UMODL1: variants seen among roughly 807,000 people sequenced by gnomAD.
UMODL1 encodes the protein uromodulin like 1, also known as uromodulin-like 1.
Under a neutral mutation model 136.3 loss-of-function variants are expected in UMODL1, and 128 were observed. The ratio of observed to expected loss-of-function variants is 0.94; its 90% CI spans 0.81 to 1.09. The LOEUF is 1.09. UMODL1 is among the 50% of genes least tolerant of loss of function. The pLI is 0.00. For synonymous variants in UMODL1, 721 were observed against 720.0 expected (o/e 1.00, Z -0.02); for missense variants, 1,766 against 1,725.6 (o/e 1.02, Z -0.41).
intron 7 of UMODL1, among the ~76,000 whole-genome samples, chr21:42,100,200 G>T (rs2066609692): frequency 6.6e-6 from 1 of 152,198 alleles, no homozygotes; most frequent in African/African-American, 2.4e-5. Context: ...TCCGATGTGT[G>T]TCCCTGACGT....
intron 2 of UMODL1, among the ~76,000 whole-genome samples, chr21:42,081,970 C>A (rs1040690563): frequency 6.6e-6 from 1 of 152,218 alleles, no homozygotes; most frequent in African/African-American, 2.4e-5. Context: ...TTGCCCTCCT[C>A]GAGCTGCACC....
At position 42,084,193 on chromosome 21, in the gene UMODL1, GA is replaced by G. The variant is rs2066397694; in HGVS notation, c.431del (p.Lys144SerfsTer34). 6.2e-7 allele frequency: 1 copy of G among 1,613,804 alleles called. No homozygotes were observed. Among genetic ancestry groups the G allele is most frequent in the African/African-American group, 1.3e-5 (1 of 74,926 alleles). ...TGGACATCGACTGTCCTGGACTTGA[GA>G]AGTGCTGCCCCTGGTCAGGGGGGCG... ...SLDIDCPGLE[K>X]CCPWSGGRYC... is the part of the protein sequence containing the mutation. On this transcript the variant is annotated frameshift_variant, in exon 3 of 23. Coordinates refer to ENST00000408910, the MANE Select transcript of UMODL1 (RefSeq NM_001004416.3). LOFTEE classifies it high-confidence loss of function.
At chr21:42,077,520 A>C (rs1460167905) in intron 2 of UMODL1, among the ~76,000 whole-genome samples, 2 of 138,084 alleles carry the variant, frequency 1.4e-5, no homozygotes, top group Non-Finnish European at 3.4e-5. Context: ...GGTTACAGAA[A>C]AGTAAACAGT....
At chr21:42,121,272 T>C (rs764038127) in intron 16 of UMODL1, 48 bp downstream of exon 16, 1 of 1,565,230 alleles carries the variant, frequency 6.4e-7, no homozygotes, top group Non-Finnish European at 8.7e-7. Flanking sequence ...TCATAATCGG[T>C]TTTTTTTAAG....
chr21:42,078,684 ACAGAAACCAGGCGGGGCCAGC>A (rs2066323547), intron 2 of UMODL1, among the ~76,000 whole-genome samples: 1 of 129,378 alleles, frequency 7.7e-6, no homozygotes, highest in Admixed American at 7.4e-5. Flanking sequence ...TCCATCACCA[ACAGAAACCAGGCGGGGCCAGC>A]TGACCCCAGA....
At chr21:42,065,943 C>A (rs1031080163) in intron 1 of UMODL1, among the ~76,000 whole-genome samples, 11 of 152,194 alleles carry the variant, frequency 7.2e-5, no homozygotes, top group African/African-American at 2.7e-4. Context: ...GTCCCAGGAC[C>A]CAGACATAGG....
At chr21:42,124,621 G>A (rs1456203563) in intron 17 of UMODL1, among the ~76,000 whole-genome samples, 1 of 152,072 alleles carries the variant, frequency 6.6e-6, no homozygotes, top group Non-Finnish European at 1.5e-5. Context: ...GGATGGGGCT[G>A]AGCAGGGAGC....
At chr21:42,130,245 T>TGTGCGCGC (rs377170083) in intron 21 of UMODL1, among the ~76,000 whole-genome samples, 9 of 151,852 alleles carry the variant, frequency 5.9e-5, no homozygotes, top group African/African-American at 1.7e-4. Flanking sequence ...TGTGTGTGTG[T>TGTGCGCGC]GCGTGCACAC....
At chr21:42,131,695 T>A (rs1182938008) in intron 21 of UMODL1, among the ~76,000 whole-genome samples, 1 of 152,068 alleles carries the variant, frequency 6.6e-6, no homozygotes, top group Non-Finnish European at 1.5e-5. Flanking sequence ...GGTTCTCATT[T>A]AAAGCATTTG....
At chr21:42,080,188 C>T (rs1329444359) in intron 2 of UMODL1, among the ~76,000 whole-genome samples, 1 of 152,224 alleles carries the variant, frequency 6.6e-6, no homozygotes, top group Non-Finnish European at 1.5e-5. Flanking sequence ...TGCCACACAG[C>T]AGGTTGGCTC....
intron 9 of UMODL1, among the ~76,000 whole-genome samples, chr21:42,104,909 C>T (rs141969882): frequency 2.0e-5 from 3 of 152,334 alleles, no homozygotes; most frequent in East Asian, 1.9e-4. Context: ...GCAGCAGGCA[C>T]GGAGTTCTCT....
chr21:42,126,729 G>A (rs545052010), intron 18 of UMODL1, among the ~76,000 whole-genome samples: 16 of 152,302 alleles, frequency 1.1e-4, no homozygotes, highest in African/African-American at 3.8e-4. Context: ...TGAGCCACTG[G>A]CAGGCCGCCA....
rs749804614 is a variant in UMODL1 at position 42,127,021 on chromosome 21, C to T, written c.3309C>T (p.Ile1103=). 2.1e-5 allele frequency: 34 copies of T among 1,613,974 alleles called. No homozygotes were observed. The highest frequency in any genetic ancestry group is 2.2e-5 in the East Asian group (1 of 44,898). ...FTLEWGVYTI[I]EDLHGAGNFV... is the part of the protein sequence containing the mutation. ...CCTCTTGCAGGGTTTACACCATCAT[C>T]GAGGACCTCCACGGCGCTGGGAATT... The change falls in exon 19 of 23, where the codon ATC becomes ATT. Residue 1103 remains isoleucine, a synonymous_variant. Transcript: ENST00000408910.
chr21:42,081,503 C>T (rs1569143312), intron 2 of UMODL1, among the ~76,000 whole-genome samples: 1 of 152,186 alleles, frequency 6.6e-6, no homozygotes, highest in Non-Finnish European at 1.5e-5. Context: ...CTGGCCAGCT[C>T]CAAGGGATGG....
intron 21 of UMODL1, among the ~76,000 whole-genome samples, chr21:42,134,826 A>G (rs960235303): frequency 6.7e-5 from 10 of 150,128 alleles, no homozygotes; most frequent in African/African-American, 2.5e-4. Context: ...GGGTTTTACC[A>G]TGTTGGCCAG....
intron 1 of UMODL1, among the ~76,000 whole-genome samples, chr21:42,072,052 C>CAAAA (rs892280662): frequency 1.3e-5 from 2 of 151,274 alleles, no homozygotes; most frequent in Non-Finnish European, 2.9e-5. Flanking sequence ...CCCAAACAAA[C>CAAAA]AAACAAACAA....
At chr21:42,075,968 G>T (rs1417433781) in intron 1 of UMODL1, 37 bp from the exon 2 acceptor site, 1 of 1,609,426 alleles carries the variant, frequency 6.2e-7, no homozygotes, top group Admixed American at 1.7e-5. Context: ...ATCTGATCCT[G>T]GTGTTCTCAG....
chr21:42,084,888 A>G (rs1269738507), intron 3 of UMODL1, among the ~76,000 whole-genome samples: 1 of 151,562 alleles, frequency 6.6e-6, no homozygotes, highest in Non-Finnish European at 1.5e-5. Context: ...CATATTACAT[A>G]TGATTATACT....
chr21:42,107,161 C>T (rs1315358140), intron 9 of UMODL1, among the ~76,000 whole-genome samples: 6 of 152,226 alleles, frequency 3.9e-5, no homozygotes, highest in African/African-American at 1.4e-4. Context: ...TCTTTCCCAA[C>T]ATCTGCTCTC....
Sources: gnomAD v4.1 joint callset for allele counts (sites outside exome capture counted in the v4.1 genomes callset) on GRCh38, gnomAD v4.1.1 for gene constraint, MANE v1.5 for transcripts, NCBI Gene and HGNC (gene_info 2026-07-23, HGNC 2026-07-21) for gene names.